Variants in ALKBH3 observed in about 807,000 individuals in gnomAD.
ALKBH3 encodes alpha-ketoglutarate-dependent dioxygenase alkB homolog 3.
In ALKBH3, 51 loss-of-function variants were observed where a neutral mutation model predicts 43.9. The ratio of observed to expected loss-of-function variants is 1.16; its 90% confidence interval spans 0.93 to 1.47. The LOEUF is 1.47. Ranked by LOEUF, ALKBH3 falls within the 40% of genes most tolerant of loss-of-function variation. The probability of loss-of-function intolerance (pLI) is 0.00; values close to 1 mark genes in which losing one functional copy is unlikely to be tolerated. For synonymous variants in ALKBH3, 102 were observed against 115.2 expected (o/e 0.89, Z 0.73); for missense variants, 361 against 351.9 (o/e 1.03, Z -0.21).
chr11:43,899,460 G>C, intron 7 of ALKBH3: 1 of 702,406 alleles, frequency 1.4e-6, no homozygotes. Flanking sequence ...GATTTCAGAG[G>C]TTCCATGACG....
intron 3 of ALKBH3, 122 bp downstream of exon 3, chr11:43,883,310 A>G (rs1419452048): frequency 1.0e-5 from 7 of 666,954 alleles, no homozygotes; most frequent in African/African-American, 1.8e-5. Flanking sequence ...CAGAAGAACT[A>G]TAATAATAAT....
chr11:43,882,050 G>A (rs11037703), intron 1 of ALKBH3, among the ~76,000 whole-genome samples: 41,752 of 152,098 alleles, frequency 0.27, 6,982 homozygotes, highest in East Asian at 0.58. Flanking sequence ...GAACTTTACC[G>A]TCCACATACA....
intron 8 of ALKBH3, among the ~76,000 whole-genome samples, chr11:43,903,494 C>CG (rs1951876398): frequency 6.6e-6 from 1 of 152,152 alleles, no homozygotes; most frequent in Non-Finnish European, 1.5e-5. Context: ...GTCCTGAGAC[C>CG]GGGGGCCGTA....
At chr11:43,891,758 C>T (rs935844061) in intron 6 of ALKBH3, among the ~76,000 whole-genome samples, 3 of 152,204 alleles carry the variant, frequency 2.0e-5, no homozygotes, top group Non-Finnish European at 4.4e-5. Flanking sequence ...CCCAGTGTGA[C>T]TCTTTGCCCT....
chr11:43,899,283 C>T (rs953511993), intron 7 of ALKBH3: 25 of 711,232 alleles, frequency 3.5e-5, no homozygotes, highest in South Asian at 5.5e-5. Flanking sequence ...GTGCAGGGCT[C>T]GCATGTGACC....
chr11:43,883,512 C>G (rs779778169), intron 3 of ALKBH3, among the ~76,000 whole-genome samples: 1 of 152,128 alleles, frequency 6.6e-6, no homozygotes, highest in Non-Finnish European at 1.5e-5. Flanking sequence ...ACTTCACCAT[C>G]TTTGGAATTG....
At chr11:43,896,246 G>A (rs1590371067) in intron 7 of ALKBH3, among the ~76,000 whole-genome samples, 3 of 151,222 alleles carry the variant, frequency 2.0e-5, no homozygotes, top group African/African-American at 7.3e-5. Flanking sequence ...GTTCTCTAGA[G>A]GGACAGAACT....
chr11:43,904,855 G>A (rs191067442), intron 8 of ALKBH3, among the ~76,000 whole-genome samples: 34 of 152,040 alleles, frequency 2.2e-4, no homozygotes, highest in Non-Finnish European at 4.6e-4. Context: ...CTTCTGTGTG[G>A]GATTTGTAGG....
rs749683645 is a variant in ALKBH3, at chr11:43,916,418, G to A, written c.670-2620G>A. On this transcript the variant is annotated intron_variant, in intron 8 of 9. Transcript: ENST00000302708. ...TGTTTTTCGCTTTTTCCATGTACTC[G>A]TAGGGTTTCAAGTATTTGGAAAACC... Among the ~76,000 whole-genome samples, 6 of 152,258 alleles carry A rather than the reference G, an allele frequency of 3.9e-5. No individual in the cohort carries two copies. The South Asian group carries it at 8.3e-4, about 21-fold the overall frequency.
At chr11:43,883,365 C>T (rs949150604) in intron 3 of ALKBH3, among the ~76,000 whole-genome samples, 177 bp downstream of exon 3, 12 of 152,296 alleles carry the variant, frequency 7.9e-5, no homozygotes, top group Admixed American at 3.3e-4. Context: ...GGGGATTCTT[C>T]GTAGTCTGCT....
chr11:43,901,817 G>T, intron 8 of ALKBH3, 92 bp downstream of exon 8: 1 of 1,422,346 alleles, frequency 7.0e-7, no homozygotes, highest in Non-Finnish European at 9.6e-7. Flanking sequence ...CAGATTTCGA[G>T]CATGGGAATA....
intron 8 of ALKBH3, among the ~76,000 whole-genome samples, chr11:43,913,857 T>A (rs1233395088): frequency 6.6e-6 from 1 of 152,252 alleles, no homozygotes; most frequent in Non-Finnish European, 1.5e-5. Context: ...CCAGTGTTTT[T>A]AAAGACACTG....
At chr11:43,919,607 C>G (rs1293612217) in intron 9 of ALKBH3, 1 of 322,786 alleles carries the variant, frequency 3.1e-6, no homozygotes, top group Admixed American at 4.6e-5. Context: ...AATCTCATGC[C>G]TCTCTTTGGT....
intron 8 of ALKBH3, among the ~76,000 whole-genome samples, chr11:43,910,894 C>T (rs1951933230): frequency 6.6e-6 from 1 of 152,146 alleles, no homozygotes; most frequent in African/African-American, 2.4e-5. Flanking sequence ...CTGCCTCTCT[C>T]TCACTGTCTT....
chr11:43,904,248 C>G (rs545669948), intron 8 of ALKBH3, among the ~76,000 whole-genome samples: 1 of 152,270 alleles, frequency 6.6e-6, no homozygotes, highest in East Asian at 1.9e-4. Context: ...AAATACTGAT[C>G]CAATAAGTAA....
intron 7 of ALKBH3, among the ~76,000 whole-genome samples, chr11:43,900,624 T>G (rs1318316256): frequency 2.0e-5 from 3 of 152,180 alleles, no homozygotes; most frequent in Non-Finnish European, 4.4e-5. Flanking sequence ...AAACAAAAGT[T>G]CTTTGGGCTC....
intron 5 of ALKBH3, among the ~76,000 whole-genome samples, chr11:43,888,695 T>C (rs1413783981): frequency 6.6e-6 from 1 of 152,224 alleles, no homozygotes; most frequent in Non-Finnish European, 1.5e-5. Context: ...GTTTTGGTCA[T>C]ATCTCATTGT....
chr11:43,903,582 T>G (rs1951877198), intron 8 of ALKBH3, among the ~76,000 whole-genome samples: 2 of 152,198 alleles, frequency 1.3e-5, no homozygotes, highest in African/African-American at 4.8e-5. Context: ...GCCTTCCTCC[T>G]AGAGTTATCC....
rs548623253 is a variant in ALKBH3 at position 43,884,116 on chromosome 11, A to G, written c.218+99A>G. ...TTTTCTATCTGGAAGAGAATGGCCC[A>G]ATAAGTGTCTTAACTGTAGTCTGGG... On this transcript the variant is annotated intron_variant, in intron 4 of 9. Transcript: ENST00000302708. 13 of 1,400,786 alleles carry G rather than the reference A, an allele frequency of 9.3e-6. No homozygotes were observed. In the South Asian group the frequency reaches 1.5e-4, roughly 17 times the overall value. 86.8% of individuals were successfully genotyped at this position (1,400,786 alleles called of 1,614,324 possible).
Sources: allele counts gnomAD v4.1 joint callset (sites outside exome capture counted in the v4.1 genomes callset), GRCh38; gene constraint gnomAD v4.1.1; transcripts MANE v1.5; gene names NCBI Gene and HGNC (gene_info 2026-07-23, HGNC 2026-07-21).